Variants in GRB10 observed in about 807,000 individuals in gnomAD.
GRB10 encodes the protein growth factor receptor bound protein 10.
Under a neutral mutation model 80.9 loss-of-function variants are expected in GRB10, and 20 were observed. The ratio of observed to expected loss-of-function variants is 0.25; its 90% CI spans 0.17 to 0.36. The LOEUF is 0.36. Ranked by LOEUF, GRB10 falls within the 10% of genes least tolerant of loss-of-function variation. The pLI, the probability that GRB10 is intolerant of heterozygous loss-of-function variation, is 1.00. For missense variants in GRB10, 548 were observed against 747.7 expected (o/e 0.73, Z 3.12); for synonymous variants, 291 against 291.5 (o/e 1.00, Z 0.02).
chr7:50,689,814 G>A (rs1247018652), intron 5 of GRB10, among the ~76,000 whole-genome samples: 4 of 151,830 alleles, frequency 2.6e-5, no homozygotes, highest in African/African-American at 9.7e-5. Flanking sequence ...AAATGACAGA[G>A]GGTTTTTTTT....
At chr7:50,746,673 CT>C (rs1415708765) in intron 3 of GRB10, among the ~76,000 whole-genome samples, 1 of 152,110 alleles carries the variant, frequency 6.6e-6, no homozygotes, top group Non-Finnish European at 1.5e-5. Flanking sequence ...ACAAAAGAGG[CT>C]TTTTGCCTAC....
chr7:50,723,192 A>G (rs1388073811), intron 4 of GRB10, among the ~76,000 whole-genome samples: 2 of 152,204 alleles, frequency 1.3e-5, no homozygotes, highest in African/African-American at 4.8e-5. Flanking sequence ...GAAAAGTTGC[A>G]GTGAAGCAAT....
chr7:50,708,604 GTGTC>G (rs1563535610), intron 4 of GRB10, among the ~76,000 whole-genome samples: 1 of 151,620 alleles, frequency 6.6e-6, no homozygotes, highest in Admixed American at 6.6e-5. Context: ...GTTTGTCTGT[GTGTC>G]TGTTTCCCAG....
chr7:50,725,269 T>C (rs140188285), intron 4 of GRB10, among the ~76,000 whole-genome samples: 31 of 152,314 alleles, frequency 2.0e-4, no homozygotes, highest in African/African-American at 7.0e-4. Context: ...CCTCCCCTTT[T>C]GTGCTCTTTT....
intron 7 of GRB10, among the ~76,000 whole-genome samples, chr7:50,667,805 C>G (rs1233640085): frequency 6.6e-6 from 1 of 152,158 alleles, no homozygotes; most frequent in East Asian, 1.9e-4. Flanking sequence ...GGGGAACAAG[C>G]TCTGATCCCA....
intron 2 of GRB10, among the ~76,000 whole-genome samples, chr7:50,764,852 A>G (rs79386208): frequency 0.012 from 1,783 of 152,364 alleles, 27 homozygotes; most frequent in African/African-American, 0.04. Flanking sequence ...GGAAAGCAGT[A>G]TATCTGTGGG....
chr7:50,737,711 T>C (rs887205598), intron 3 of GRB10, among the ~76,000 whole-genome samples: 1 of 152,264 alleles, frequency 6.6e-6, no homozygotes, highest in South Asian at 2.1e-4. Flanking sequence ...TAGCCGGGCA[T>C]GGTGGCAGGC....
At position 50,703,845 on chromosome 7, in the gene GRB10, A is replaced by G. The variant is rs1563515831; in HGVS notation, c.115T>C (p.Ser39Pro). The change falls in exon 5 of 19, where the codon TCT (serine) becomes CCT (proline). Residue 39 changes from serine to proline, a missense_variant. Ser to Pro is a moderately conservative substitution (Grantham distance 74). Around this residue, in one of 4 missense-constraint regions of GRB10, gnomAD observed 245 missense variants for 229.3 expected, o/e 1.07. Coordinates refer to ENST00000401949, the MANE Select transcript of GRB10 (RefSeq NM_001350814.2). ...DPAGPGLPAQ[S>P]DRLANHQEDD... ...CCCTGGTGATTCGCAAGTCGGTCAG[A>G]CTGTGCGGGGAGTCCTGGTCCTGCC... The G allele has an allele frequency of 1.2e-6, 2 of 1,613,228 alleles. No homozygotes were observed. Among genetic ancestry groups the G allele is most frequent in the Non-Finnish European group, 8.5e-7 (1 of 1,179,502 alleles).
chr7:50,736,950 CAG>C (rs1283024513), intron 3 of GRB10, among the ~76,000 whole-genome samples: 8 of 152,062 alleles, frequency 5.3e-5, no homozygotes, highest in Non-Finnish European at 8.8e-5. Flanking sequence ...GAAGTAAAGA[CAG>C]GGAAAAATCT....
At chr7:50,610,407 C>T (rs2049304130) in intron 13 of GRB10, among the ~76,000 whole-genome samples, 1 of 152,240 alleles carries the variant, frequency 6.6e-6, no homozygotes, top group African/African-American at 2.4e-5. Flanking sequence ...GGTCTGGCTC[C>T]CCAGCCTCCT....
chr7:50,788,602 G>A (rs1214983679), intron 1 of GRB10, among the ~76,000 whole-genome samples: 2 of 152,116 alleles, frequency 1.3e-5, no homozygotes, highest in African/African-American at 4.8e-5. Flanking sequence ...ACCAACACAC[G>A]CCAAAGTGCC....
chr7:50,599,275 C>T (rs2047192007), intron 17 of GRB10, among the ~76,000 whole-genome samples: 2 of 152,094 alleles, frequency 1.3e-5, no homozygotes, highest in African/African-American at 2.4e-5. Context: ...CTGCATACAC[C>T]GTTTGAGAAT....
chr7:50,652,706 G>A (rs142835148), intron 7 of GRB10, among the ~76,000 whole-genome samples: 1 of 152,306 alleles, frequency 6.6e-6, no homozygotes, highest in African/African-American at 2.4e-5. Flanking sequence ...AATCTTAATA[G>A]CATGAGATTG....
intron 7 of GRB10, among the ~76,000 whole-genome samples, chr7:50,663,735 T>C (rs978237765): frequency 6.6e-6 from 1 of 152,228 alleles, no homozygotes; most frequent in Admixed American, 6.5e-5. Flanking sequence ...CTATTTAATG[T>C]AATCCTTTTT....
chr7:50,711,451 C>T (rs2065887359), intron 4 of GRB10, among the ~76,000 whole-genome samples: 2 of 152,222 alleles, frequency 1.3e-5, no homozygotes, highest in South Asian at 4.1e-4. Context: ...GGAGTCCACC[C>T]AAGGGCGCTG....
intron 5 of GRB10, among the ~76,000 whole-genome samples, chr7:50,681,318 C>T (rs2061519372): frequency 6.6e-6 from 1 of 152,220 alleles, no homozygotes; most frequent in Admixed American, 6.5e-5. Flanking sequence ...ATCGGATATG[C>T]AGACAGCCCT....
intron 11 of GRB10, 70 bp from the exon 12 acceptor site, chr7:50,614,950 A>G (rs2050287518): frequency 2.1e-6 from 2 of 956,006 alleles, no homozygotes; most frequent in South Asian, 2.6e-5. Context: ...TCTGGTAGAC[A>G]GAGGGCAGTC....
At chr7:50,662,121 T>A (rs1002891851) in intron 7 of GRB10, among the ~76,000 whole-genome samples, 1 of 152,234 alleles carries the variant, frequency 6.6e-6, no homozygotes, top group African/African-American at 2.4e-5. Context: ...GTTGTGGAGT[T>A]GGAGTCTGGC....
At chr7:50,640,004 G>A (rs1384061562) in intron 7 of GRB10, among the ~76,000 whole-genome samples, 1 of 152,220 alleles carries the variant, frequency 6.6e-6, no homozygotes, top group Non-Finnish European at 1.5e-5. Flanking sequence ...AGATAAGAAA[G>A]TATGGCATGA....
Sources: allele counts gnomAD v4.1 joint callset (sites outside exome capture counted in the v4.1 genomes callset), GRCh38; gene constraint gnomAD v4.1.1; regional missense constraint gnomAD v4.1.1; transcripts MANE v1.5; gene names NCBI Gene and HGNC (gene_info 2026-07-23, HGNC 2026-07-21).